Variants in ATP1B1 observed in about 807,000 individuals in gnomAD.
ATP1B1 encodes the protein sodium/potassium-transporting ATPase subunit beta-1.
Under a neutral mutation model 39.6 loss-of-function variants are expected in ATP1B1, and 3 were observed. The ratio of observed to expected loss-of-function variants is 0.08; its 90% CI spans 0.03 to 0.20. ATP1B1 has a LOEUF of 0.20. Among genes scored for constraint, ATP1B1 ranks in the 10% least tolerant of loss-of-function variants. ATP1B1 has a pLI of 1.00. For synonymous variants in ATP1B1, 139 were observed against 135.0 expected, an observed-to-expected ratio of 1.03 and a Z score of -0.20; for missense variants, 216 against 371.1, an observed-to-expected ratio of 0.58 and a Z score of 3.43.
intron 2 of ATP1B1, among the ~76,000 whole-genome samples, chr1:169,113,025 A>G (rs906585353): frequency 1.3e-5 from 2 of 151,418 alleles, no homozygotes; most frequent in African/African-American, 4.9e-5. Flanking sequence ...GTTCTTTGTT[A>G]TGCCATTTAA....
chr1:169,126,879 C>CA (rs1378535513), intron 3 of ATP1B1, among the ~76,000 whole-genome samples: 2 of 152,190 alleles, frequency 1.3e-5, no homozygotes, highest in South Asian at 2.1e-4. Flanking sequence ...TGATGCTACT[C>CA]ACGCAGTGTG....
At chr1:169,130,468 T>C (rs1571229218) in intron 5 of ATP1B1, among the ~76,000 whole-genome samples, 1 of 151,930 alleles carries the variant, frequency 6.6e-6, no homozygotes, top group African/African-American at 2.4e-5. Flanking sequence ...CACATAAAAA[T>C]TAGTGGTTTG....
At chr1:169,115,575 C>G (rs1471713505) in intron 2 of ATP1B1, among the ~76,000 whole-genome samples, 1 of 152,022 alleles carries the variant, frequency 6.6e-6, no homozygotes, top group East Asian at 1.9e-4. Flanking sequence ...TGTCAAACTC[C>G]TGACCTCTGG....
At chr1:169,125,452 C>T (rs1658067021) in intron 3 of ATP1B1, among the ~76,000 whole-genome samples, 1 of 152,178 alleles carries the variant, frequency 6.6e-6, no homozygotes, top group African/African-American at 2.4e-5. Flanking sequence ...GCTATCACTG[C>T]ACTGGCATTC....
At chr1:169,111,634 C>G in intron 2 of ATP1B1, 136 bp downstream of exon 2, 2 of 1,267,244 alleles carry the variant, frequency 1.6e-6, no homozygotes, top group Admixed American at 5.3e-5. Context: ...AGAGAAACTT[C>G]TCTCGGCTGC....
chr1:169,121,138 G>A lies in ATP1B1; in HGVS notation c.227-3746G>A, dbSNP rs532246404. ...AATTTTGTGTTTTTAGTAGAGATGG[G>A]GTTTCACCATGTTGGCCAGGCTGGT... On this transcript the variant is annotated intron_variant, in intron 2 of 5. Transcript: ENST00000367815. 2.2e-3 allele frequency among the ~76,000 whole-genome samples: 335 copies of A among 151,744 alleles called. 1 individual carries two copies. The highest frequency in any genetic ancestry group is 7.7e-3 in the African/African-American group (318 of 41,376).
chr1:169,132,048 T>TTG lies in ATP1B1; in HGVS notation c.*493_*494insTG. ...TTTTTTTTTTTTTTTTTTTGTTTTTTGGCTCTTTCAAAGGTAATGGCCCAT... is the reference window on the plus strand; with the variant it reads ...TTTTTTTTTTTTTTTTTTTGTTTTTTTGGGCTCTTTCAAAGGTAATGGCCCAT... On this transcript the variant is annotated 3_prime_UTR_variant, in exon 6 of 6. Transcript: ENST00000367815. The TTG allele has an allele frequency of 3.6e-6, 1 of 274,386 alleles. No individual in the cohort carries two copies. The highest frequency in any genetic ancestry group is 7.3e-6 in the Non-Finnish European group (1 of 137,446). 17.0% of individuals were successfully genotyped at this position (274,386 alleles called of 1,614,324 possible).
intron 2 of ATP1B1, among the ~76,000 whole-genome samples, chr1:169,124,092 A>C (rs774719129): frequency 6.6e-6 from 1 of 152,180 alleles, no homozygotes; most frequent in Non-Finnish European, 1.5e-5. Flanking sequence ...GACTTTTCCA[A>C]CCATTGCTCC....
intron 3 of ATP1B1, among the ~76,000 whole-genome samples, chr1:169,126,155 T>TA: frequency 6.6e-6 from 1 of 152,338 alleles, no homozygotes; most frequent in Non-Finnish European, 1.5e-5. Context: ...TTTAGTAACT[T>TA]AAAAGAACAT....
At chr1:169,124,755 A>G in intron 2 of ATP1B1, 129 bp from the exon 3 acceptor site, 1 of 1,010,182 alleles carries the variant, frequency 9.9e-7, no homozygotes, top group East Asian at 2.6e-5. Flanking sequence ...GTGATTTAAC[A>G]AGGGAGGCAA....
At chr1:169,128,191 T>C (rs1197106468) in intron 4 of ATP1B1, among the ~76,000 whole-genome samples, 1 of 152,202 alleles carries the variant, frequency 6.6e-6, no homozygotes, top group East Asian at 1.9e-4. Flanking sequence ...TGGCTTCTTC[T>C]GGCAGGTTTC....
Position 169,106,710 on chromosome 1 carries a change from A to G in ATP1B1, c.-120A>G, listed in dbSNP as rs1657597648. 4.6e-6 allele frequency: 3 copies of G among 656,236 alleles called. No homozygotes were observed. Among genetic ancestry groups the G allele is most frequent in the Non-Finnish European group, 2.3e-6 (1 of 432,316 alleles). 40.7% of individuals were successfully genotyped at this position (656,236 alleles called of 1,614,324 possible). ...CTCGCACTCCGAGAGCCGCAGCGGC[A>G]GCGGCGCGTCCTGCCTGCAGAGAGC... On this transcript the variant is annotated 5_prime_UTR_variant, in exon 1 of 6. Coordinates refer to ENST00000367815, the MANE Select transcript of ATP1B1 (RefSeq NM_001677.4).
chr1:169,120,430 A>G (rs1359282609), intron 2 of ATP1B1, among the ~76,000 whole-genome samples: 1 of 152,214 alleles, frequency 6.6e-6, no homozygotes, highest in Non-Finnish European at 1.5e-5. Flanking sequence ...CTCACAAAAC[A>G]GTAAGACATG....
chr1:169,107,293 A>T (rs955275842), intron 1 of ATP1B1, among the ~76,000 whole-genome samples: 2 of 152,206 alleles, frequency 1.3e-5, no homozygotes, highest in Non-Finnish European at 2.9e-5. Context: ...TCCTTAAAAA[A>T]AAAATGAGAT....
At chr1:169,111,538 G>A in intron 2 of ATP1B1, 40 bp downstream of exon 2, 1 of 1,592,462 alleles carries the variant, frequency 6.3e-7, no homozygotes, top group Non-Finnish European at 8.6e-7. Context: ...TTCAGAGATA[G>A]CATGGGTGTC....
chr1:169,127,774 A>G (rs1306958791), intron 4 of ATP1B1, among the ~76,000 whole-genome samples: 1 of 152,168 alleles, frequency 6.6e-6, no homozygotes, highest in Non-Finnish European at 1.5e-5. Flanking sequence ...GAGAAAAAAA[A>G]AAGTTTTTTA....
intron 1 of ATP1B1, among the ~76,000 whole-genome samples, chr1:169,107,440 T>C (rs1657621637): frequency 6.6e-6 from 1 of 152,136 alleles, no homozygotes; most frequent in African/African-American, 2.4e-5. Context: ...CCATCCACAC[T>C]GTAGTATTTC....
chr1:169,127,121 G>T (rs1045995718), intron 3 of ATP1B1, 103 bp from the exon 4 acceptor site: 2 of 1,240,090 alleles, frequency 1.6e-6, no homozygotes, highest in Non-Finnish European at 2.2e-6. Flanking sequence ...GCAGAATAGC[G>T]TACTCTCAGA....
Position 169,131,257 on chromosome 1 carries a change from G to A in ATP1B1, c.649-35G>A, listed in dbSNP as rs1394647476. Reference sequence around the variant, plus strand: ...GAGTACACATAGTGATGCATGATGTGAGCCATTAAAATTTCATTTCATTCT... The same window carrying A: ...GAGTACACATAGTGATGCATGATGTAAGCCATTAAAATTTCATTTCATTCT... On this transcript the variant is annotated intron_variant, in intron 5 of 5. Transcript: ENST00000367815. This position sits in a 1 kb window ranked among gnomAD's most constrained non-coding sequence, Gnocchi z 4.4. 2 of 1,604,926 alleles carry A rather than the reference G, an allele frequency of 1.2e-6. No individual in the cohort carries two copies. Among genetic ancestry groups the A allele is most frequent in the Admixed American group, 1.7e-5 (1 of 59,582 alleles).
Sources: allele counts gnomAD v4.1 joint callset (sites outside exome capture counted in the v4.1 genomes callset), GRCh38; gene constraint gnomAD v4.1.1; non-coding constraint Gnocchi (gnomAD v3.1); transcripts MANE v1.5; gene names NCBI Gene and HGNC (gene_info 2026-07-23, HGNC 2026-07-21).